Variants in SHPRH observed in about 807,000 individuals in gnomAD.
The protein encoded by SHPRH is SNF2 histone linker PHD RING helicase, also known as E3 ubiquitin-protein ligase SHPRH.
A neutral mutation model predicts 202.5 loss-of-function variants in SHPRH; 106 were observed. That is an observed-to-expected ratio of 0.52 (90% CI 0.45 to 0.62). The LOEUF (loss-of-function observed/expected upper bound fraction) is 0.62, where lower values mean the gene tolerates loss of function less well. Ranked by LOEUF, SHPRH falls within the 20% of genes least tolerant of loss-of-function variation. The pLI, the probability that SHPRH is intolerant of heterozygous loss-of-function variation, is 0.00. For missense variants in SHPRH, 1,710 were observed against 2,020.0 expected (o/e 0.85, Z 2.94); for synonymous variants, 729 against 686.0 (o/e 1.06, Z -0.98).
At chr6:145,895,935 T>C (rs1224671295) in intron 25 of SHPRH, among the ~76,000 whole-genome samples, 2 of 152,034 alleles carry the variant, frequency 1.3e-5, no homozygotes, top group Non-Finnish European at 2.9e-5. Context: ...TTATTATCTT[T>C]CTGAGATATT....
At chr6:145,869,883 T>C (rs1436595684) in intron 2 of SHPRH, among the ~76,000 whole-genome samples, 2 of 150,736 alleles carry the variant, frequency 1.3e-5, no homozygotes, top group Admixed American at 1.3e-4. Flanking sequence ...CACAAAATAA[T>C]GTGTTGGGAT....
intron 24 of SHPRH, among the ~76,000 whole-genome samples, chr6:145,912,850 G>GAT (rs372510861): frequency 0.041 from 6,204 of 150,234 alleles, 388 homozygotes; most frequent in African/African-American, 0.13. Flanking sequence ...TGAATAGTCT[G>GAT]ATATATATAT....
chr6:145,886,840 G>C, intron 29 of SHPRH, 53 bp from the exon 30 acceptor site: 1 of 1,572,706 alleles, frequency 6.4e-7, no homozygotes, highest in Non-Finnish European at 8.6e-7. Context: ...AGCCATCAGC[G>C]ATTATATTTG....
chr6:145,916,800 T>G (rs1783994687), intron 23 of SHPRH, among the ~76,000 whole-genome samples: 1 of 152,184 alleles, frequency 6.6e-6, no homozygotes, highest in Non-Finnish European at 1.5e-5. Flanking sequence ...CTTTTTTTTT[T>G]GAGATGGAAT....
intron 7 of SHPRH, 23 bp from the exon 8 acceptor site, chr6:145,945,660 A>C: frequency 6.4e-7 from 1 of 1,557,320 alleles, no homozygotes; most frequent in East Asian, 2.3e-5. Context: ...GGATATGCTA[A>C]ATCAGTCAAA....
At chr6:145,929,525 T>C (rs992159987) in intron 14 of SHPRH, among the ~76,000 whole-genome samples, 2 of 152,094 alleles carry the variant, frequency 1.3e-5, no homozygotes, top group Admixed American at 6.6e-5. Flanking sequence ...AAGTTATATA[T>C]GTAATGTTAC....
chr6:145,898,727 C>T (rs182053881), intron 25 of SHPRH, among the ~76,000 whole-genome samples: 54 of 152,222 alleles, frequency 3.5e-4, no homozygotes, highest in Admixed American at 2.1e-3. Context: ...CTATGACCTC[C>T]GCCATGTTAT....
intron 1 of SHPRH, among the ~76,000 whole-genome samples, chr6:145,959,196 C>T (rs1788822077): frequency 6.6e-6 from 1 of 152,170 alleles, no homozygotes; most frequent in Non-Finnish European, 1.5e-5. Context: ...ACAAAGTCTA[C>T]AGAAGTGTAC....
At chr6:145,898,226 C>T (rs562994439) in intron 25 of SHPRH, among the ~76,000 whole-genome samples, 20 of 151,468 alleles carry the variant, frequency 1.3e-4, no homozygotes, top group Admixed American at 4.6e-4. Context: ...CCAAAAAGGA[C>T]GTCAAGAAAA....
chr6:145,949,679 T>G (rs967813036), intron 4 of SHPRH, among the ~76,000 whole-genome samples: 13 of 152,020 alleles, frequency 8.6e-5, no homozygotes, highest in African/African-American at 3.1e-4. Flanking sequence ...CACTATGCAA[T>G]TCATCCATGT....
At position 145,910,543 on chromosome 6, in the gene SHPRH, T is replaced by C; in HGVS notation, c.4420A>G (p.Lys1474Glu). The C allele has an allele frequency of 6.2e-7, 1 of 1,613,030 alleles. No individual in the cohort carries two copies. Among genetic ancestry groups the C allele is most frequent in the Non-Finnish European group, 8.5e-7 (1 of 1,179,608 alleles). The change falls in exon 25 of 30, where the codon AAG becomes GAG. Residue 1474 changes from lysine (K) to glutamate (E), a missense_variant. Physicochemically the swap from Lys to Glu is moderately conservative, Grantham distance 56 (BLOSUM62 1). Transcript: ENST00000275233. ...GTGGTCTGGCGGCAGATTGCACACT[T>C]AATGGAGCTTCTGTGAGATCCCACG... ...YSVGSHRSSI[K>E]CAICRQTTSH...
At chr6:145,942,033 T>C (rs1274547150) in intron 9 of SHPRH, among the ~76,000 whole-genome samples, 159 bp from the exon 10 acceptor site, 1 of 152,186 alleles carries the variant, frequency 6.6e-6, no homozygotes. Context: ...CATGTTTTAG[T>C]GTGGAAGATG....
chr6:145,928,693 GTGT>G (rs1319045960), intron 14 of SHPRH, among the ~76,000 whole-genome samples: 5 of 151,814 alleles, frequency 3.3e-5, no homozygotes, highest in Non-Finnish European at 5.9e-5. Context: ...TGTATATTCA[GTGT>G]TGTGCAAAAC....
Position 145,954,729 on chromosome 6 carries a change from T to C in SHPRH, c.594A>G (p.Ile198Met). The part of the protein sequence containing the change: ...DLGWLQKKRR[I>M]KLYQKPEGNH... Reference sequence around the variant, plus strand: ...TTCCTTCTGGTTTCTGATAGAGTTTTATTCTTCTCTTCTTTTGTAGCCACC... The same window carrying C: ...TTCCTTCTGGTTTCTGATAGAGTTTCATTCTTCTCTTCTTTTGTAGCCACC... Residue 198 changes from isoleucine (I) to methionine (M), a missense_variant, in exon 2 of 30, where the codon ATA becomes ATG. Coordinates refer to ENST00000275233, the MANE Select transcript of SHPRH (RefSeq NM_001042683.3). 1 of 1,601,426 alleles carries C rather than the reference T, an allele frequency of 6.2e-7. No individual in the cohort carries two copies. Among genetic ancestry groups the C allele is most frequent in the East Asian group, 2.2e-5 (1 of 44,812 alleles).
rs1197290008 is a variant in SHPRH, at chr6:145,918,184, A to T, written c.4201T>A (p.Ser1401Thr). 2 of 1,606,684 alleles carry T rather than the reference A, an allele frequency of 1.2e-6. No individual in the cohort carries two copies. Among genetic ancestry groups the T allele is most frequent in the Admixed American group, 1.7e-5 (1 of 59,034 alleles). ...TGCCCAAGTTTTTTCTGAAGCTGTG[A>T]TGTAGCAACAGCTTTATCATTTAGT... is the stretch of plus-strand genomic sequence containing the variant. ...KLLNDKAVAT[S>T]QLQKKLGQLL... The change falls in exon 23 of 30, where the codon TCA (serine) becomes ACA (threonine). Residue 1401 changes from serine to threonine, a missense_variant. Ser to Thr is a moderately conservative substitution (Grantham distance 58). Coordinates refer to ENST00000275233, the MANE Select transcript of SHPRH (RefSeq NM_001042683.3).
intron 2 of SHPRH, among the ~76,000 whole-genome samples, chr6:145,869,819 CTT>C (rs71028375): frequency 2.7e-4 from 36 of 134,526 alleles, no homozygotes; most frequent in Admixed American, 3.7e-4. Flanking sequence ...TTTTTCTTTT[CTT>C]TTTTTTTTTT....
chr6:145,858,531 A>G, the SHPRH span, among the ~76,000 whole-genome samples: 3 of 152,086 alleles, frequency 2.0e-5, no homozygotes, highest in African/African-American at 7.2e-5. Context: ...AGTGATAAAA[A>G]GCAGATCTGG....
intron 11 of SHPRH, among the ~76,000 whole-genome samples, chr6:145,939,834 G>C (rs2128776176): frequency 6.6e-6 from 1 of 152,102 alleles, no homozygotes; most frequent in Non-Finnish European, 1.5e-5. Flanking sequence ...GCTTTTAAAG[G>C]TCAAAGTAAT....
chr6:145,924,582 A>T (rs1784702533), intron 17 of SHPRH, among the ~76,000 whole-genome samples, 157 bp downstream of exon 17: 1 of 151,930 alleles, frequency 6.6e-6, no homozygotes. Flanking sequence ...AATCATTGCT[A>T]ACAGTAAAAT....
Sources: allele counts gnomAD v4.1 joint callset (sites outside exome capture counted in the v4.1 genomes callset), GRCh38; gene constraint gnomAD v4.1.1; transcripts MANE v1.5; gene names NCBI Gene and HGNC (gene_info 2026-07-23, HGNC 2026-07-21).